ZNF469: variants seen among roughly 807,000 people sequenced by gnomAD.
ZNF469 encodes the protein zinc finger protein 469.
In ZNF469, 1 loss-of-function variant was observed where a neutral mutation model predicts 1.0. The ratio of observed to expected loss-of-function variants is 1.00; its 90% CI spans 0.35 to 4.73. The LOEUF is 4.73. ZNF469 is among the 30% of genes most tolerant of loss of function. The pLI, the probability that ZNF469 is intolerant of heterozygous loss-of-function variation, is 0.16. For missense variants in ZNF469, 6,100 were observed against 5,356.3 expected (o/e 1.14, Z -4.33); for synonymous variants, 2,703 against 2,363.4 (o/e 1.14, Z -4.17).
intron 1 of ZNF469, among the ~76,000 whole-genome samples, chr16:88,386,368 G>C (rs577589923): frequency 6.6e-6 from 1 of 152,048 alleles, no homozygotes; most frequent in Non-Finnish European, 1.5e-5. Flanking sequence ...CCTCCTGCCC[G>C]GGACCCCACC....
chr16:88,109,386 G>A, the ZNF469 span, among the ~76,000 whole-genome samples: 1 of 152,250 alleles, frequency 6.6e-6, no homozygotes, highest in Non-Finnish European at 1.5e-5. Context: ...CCCAGACTCA[G>A]ATCTGTTTCC....
the ZNF469 span, among the ~76,000 whole-genome samples, chr16:88,222,285 T>C: frequency 6.4e-3 from 965 of 151,584 alleles, 14 homozygotes; most frequent in African/African-American, 0.023. Context: ...TTCTTTGTTT[T>C]GTTTGTTTGT....
the ZNF469 span, among the ~76,000 whole-genome samples, chr16:88,290,989 T>C: frequency 4.6e-5 from 7 of 152,174 alleles, no homozygotes; most frequent in Non-Finnish European, 8.8e-5. Flanking sequence ...CTGCCTGATG[T>C]CCAGGGCAGC....
Position 88,432,116 on chromosome 16 carries a change from G to T in ZNF469, c.4646G>T (p.Cys1549Phe). Residue 1549 changes from cysteine (C) to phenylalanine (F), a missense_variant, in exon 3 of 3, where the codon TGT (cysteine) becomes TTT (phenylalanine). Physicochemically the swap from Cys to Phe is radical, Grantham distance 205 (BLOSUM62 -2). Coordinates refer to ENST00000565624, the MANE Select transcript of ZNF469 (RefSeq NM_001367624.2). Reference sequence around the variant, plus strand: ...TCTTTGCCTGGGAAGGGGAGTGGATGTAGCGTTGCTCTTATGAGTCACCTG... The same window carrying T: ...TCTTTGCCTGGGAAGGGGAGTGGATTTAGCGTTGCTCTTATGAGTCACCTG... ...APSLPGKGSG[C>F]SVALMSHLSE... 1 of 1,550,496 alleles carries T rather than the reference G, an allele frequency of 6.4e-7. No individual in the cohort carries two copies. Among genetic ancestry groups the T allele is most frequent in the Non-Finnish European group, 8.7e-7 (1 of 1,147,008 alleles).
chr16:88,428,345 T>C lies in ZNF469; in HGVS notation c.875T>C (p.Val292Ala). Reference sequence around the variant, plus strand: ...AGCACAAAACCCTTCCCTGCGGATGTGGCTGGGCACGCATTCACCAATGGG... The same window carrying C: ...AGCACAAAACCCTTCCCTGCGGATGCGGCTGGGCACGCATTCACCAATGGG... The part of the protein sequence containing the change: ...GASTKPFPAD[V>A]AGHAFTNGPL... Residue 292 changes from valine (V) to alanine (A), a missense_variant, in exon 3 of 3, where the codon GTG (valine) becomes GCG (alanine). Transcript: ENST00000565624. The C allele has an allele frequency of 6.5e-7, 1 of 1,549,648 alleles. No homozygotes were observed. Among genetic ancestry groups the C allele is most frequent in the Non-Finnish European group, 8.7e-7 (1 of 1,146,926 alleles).
At chr16:88,359,321 C>A in the ZNF469 span, among the ~76,000 whole-genome samples, 1 of 151,686 alleles carries the variant, frequency 6.6e-6, no homozygotes, top group Non-Finnish European at 1.5e-5. Context: ...ATCCTGCCCG[C>A]ATTTGCTATT....
chr16:88,439,459 C>A lies in ZNF469; in HGVS notation c.*127C>A. On this transcript the variant is annotated 3_prime_UTR_variant, in exon 3 of 3. Coordinates refer to ENST00000565624, the MANE Select transcript of ZNF469 (RefSeq NM_001367624.2). ...TGACTTCTTGTGCAACTGCTCAGGC[C>A]TTGATGTCAGAGCTGAGGTGGTGAT... 1 of 1,049,956 alleles carries A rather than the reference C, an allele frequency of 9.5e-7. No homozygotes were observed. Among genetic ancestry groups the A allele is most frequent in the Non-Finnish European group, 1.4e-6 (1 of 703,878 alleles). 65.0% of individuals were successfully genotyped at this position (1,049,956 alleles called of 1,614,324 possible).
chr16:88,376,889 C>T, the ZNF469 span, among the ~76,000 whole-genome samples: 14 of 152,190 alleles, frequency 9.2e-5, no homozygotes, highest in African/African-American at 2.4e-4. Flanking sequence ...CCAGCCCAGA[C>T]GCCAGGCCTC....
At chr16:88,125,132 A>G in the ZNF469 span, among the ~76,000 whole-genome samples, 8 of 152,104 alleles carry the variant, frequency 5.3e-5, no homozygotes, top group African/African-American at 1.9e-4. Flanking sequence ...GTTGAGAAGA[A>G]TGTTCTTTCC....
At chr16:88,291,954 G>C in the ZNF469 span, among the ~76,000 whole-genome samples, 64,362 of 152,046 alleles carry the variant, frequency 0.42, 14,651 homozygotes, top group African/African-American at 0.61. Context: ...GATGGCTGCT[G>C]GCTGCCCAGG....
At chr16:88,150,106 G>A in the ZNF469 span, among the ~76,000 whole-genome samples, 29 of 152,268 alleles carry the variant, frequency 1.9e-4, no homozygotes, top group African/African-American at 6.7e-4. Context: ...TCAGAAGTTC[G>A]TGACCAGCCT....
chr16:88,364,192 G>T, the ZNF469 span, among the ~76,000 whole-genome samples: 16,309 of 152,174 alleles, frequency 0.11, 904 homozygotes, highest in Middle Eastern at 0.15. Flanking sequence ...GTACTCAGTT[G>T]ATCCAGCAGC....
At chr16:88,302,899 A>G in the ZNF469 span, among the ~76,000 whole-genome samples, 1 of 152,178 alleles carries the variant, frequency 6.6e-6, no homozygotes, top group African/African-American at 2.4e-5. Flanking sequence ...GGGGCTGCCG[A>G]AAAGGGGAGG....
At chr16:88,291,678 G>T in the ZNF469 span, among the ~76,000 whole-genome samples, 9 of 152,032 alleles carry the variant, frequency 5.9e-5, no homozygotes, top group African/African-American at 2.2e-4. Flanking sequence ...CCTTGACCTT[G>T]AGGGAGCCCC....
chr16:88,422,506 G>A (rs1905505582), intron 1 of ZNF469, among the ~76,000 whole-genome samples: 2 of 143,096 alleles, frequency 1.4e-5, no homozygotes, highest in Non-Finnish European at 3.1e-5. Flanking sequence ...TGAGTGATGG[G>A]TGGATGATGG....
the ZNF469 span, among the ~76,000 whole-genome samples, chr16:88,258,717 G>C: frequency 2.0e-5 from 3 of 152,312 alleles, no homozygotes; most frequent in African/African-American, 7.2e-5. Flanking sequence ...TGATGAACTC[G>C]GATGACATTT....
the ZNF469 span, among the ~76,000 whole-genome samples, chr16:88,185,580 GCA>G: frequency 1.3e-5 from 2 of 151,342 alleles, no homozygotes; most frequent in Non-Finnish European, 2.9e-5. Flanking sequence ...TATAGTACTC[GCA>G]CACACATGCA....
Position 88,430,242 on chromosome 16 carries a change from C to G in ZNF469, c.2772C>G (p.Pro924=). The change falls in exon 3 of 3, where the codon CCC becomes CCG. Residue 924 remains proline (P), a synonymous_variant. Coordinates refer to ENST00000565624, the MANE Select transcript of ZNF469 (RefSeq NM_001367624.2). ...GGGGCTGCCCAGCCCGAGGCAGGCCCAAAACGCGTTCCCTGGGTCTGGCCC... is the reference window on the plus strand; with the variant it reads ...GGGGCTGCCCAGCCCGAGGCAGGCCGAAAACGCGTTCCCTGGGTCTGGCCC... ...GDRGCPARGR[P]KTRSLGLAPT... is the part of the protein sequence containing the mutation. 1 of 1,529,982 alleles carries G rather than the reference C, an allele frequency of 6.5e-7. No homozygotes were observed. Among genetic ancestry groups the G allele is most frequent in the South Asian group, 1.2e-5 (1 of 82,634 alleles). The allele number at this position is 1,529,982 out of a possible 1,614,324, so 94.8% of individuals were successfully genotyped here.
At chr16:88,263,720 C>A in the ZNF469 span, among the ~76,000 whole-genome samples, 1 of 152,102 alleles carries the variant, frequency 6.6e-6, no homozygotes, top group Admixed American at 6.5e-5. Context: ...GCAGCAGGGG[C>A]AGATGGACAG....
Sources: allele counts gnomAD v4.1 joint callset (sites outside exome capture counted in the v4.1 genomes callset), GRCh38; gene constraint gnomAD v4.1.1; transcripts MANE v1.5; gene names NCBI Gene and HGNC (gene_info 2026-07-23, HGNC 2026-07-21).